Variants in CCDC187 observed in about 807,000 individuals in gnomAD.
The protein encoded by CCDC187 is coiled-coil domain containing 187.
CCDC187 carries 32 observed loss-of-function variants against 38.0 expected under a neutral mutation model. The observed-to-expected ratio is 0.84, with a 90% CI of 0.64 to 1.13. The LOEUF is 1.13. Ranked by LOEUF, CCDC187 falls within the 50% of genes most tolerant of loss-of-function variation. The probability of loss-of-function intolerance (pLI) is 0.00; values close to 1 mark genes in which losing one functional copy is unlikely to be tolerated. For missense variants in CCDC187, 707 were observed against 786.8 expected (o/e 0.90, Z 1.21); for synonymous variants, 333 against 347.9 (o/e 0.96, Z 0.48).
intron 4 of CCDC187, among the ~76,000 whole-genome samples, chr9:136,295,579 A>T (rs1352514154): frequency 6.6e-6 from 1 of 152,242 alleles, no homozygotes; most frequent in African/African-American, 2.4e-5. Context: ...AATATTTTAT[A>T]ACTATTGTGA....
rs1193216426 is a variant in CCDC187 at position 136,292,426 on chromosome 9, A to G, written c.833-131T>C. On this transcript the variant is annotated intron_variant, in intron 4 of 25. Coordinates refer to ENST00000638797, the MANE Select transcript of CCDC187 (RefSeq NM_001378188.1). Reference sequence around the variant, plus strand: ...CACTCCCAGAAGGCACCGGGAGGATATCCCTCATGTCCAGGCCCCTGTTGG... The same window carrying G: ...CACTCCCAGAAGGCACCGGGAGGATGTCCCTCATGTCCAGGCCCCTGTTGG... The G allele has an allele frequency of 7.6e-6, 3 of 396,468 alleles. No homozygotes were observed. The Admixed American group carries it at 1.3e-4, about 17-fold the overall frequency. 24.6% of individuals were successfully genotyped at this position (396,468 alleles called of 1,614,324 possible). A position where few individuals can be genotyped will look rare whatever the true frequency, so the allele number is the denominator to read the frequency against.
chr9:136,267,567 C>T (rs1830768761), intron 15 of CCDC187, 56 bp from the exon 16 acceptor site: 5 of 985,594 alleles, frequency 5.1e-6, no homozygotes, highest in Non-Finnish European at 6.0e-6. Flanking sequence ...GCTTCCGGGC[C>T]TCGCGGGGCT....
intron 14 of CCDC187, among the ~76,000 whole-genome samples, chr9:136,271,694 G>A (rs1355744024): frequency 3.6e-5 from 5 of 137,868 alleles, no homozygotes; most frequent in South Asian, 2.6e-4. Context: ...TGCAAGCTCC[G>A]CCTCCTGGGT....
intron 9 of CCDC187, among the ~76,000 whole-genome samples, chr9:136,284,158 G>A (rs1831115366): frequency 6.6e-6 from 1 of 152,094 alleles, no homozygotes; most frequent in South Asian, 2.1e-4. Context: ...AGGGAAGGCT[G>A]GGCTTCGGGA....
chr9:136,272,295 A>C (rs1337152740), intron 14 of CCDC187, among the ~76,000 whole-genome samples: 1 of 152,272 alleles, frequency 6.6e-6, no homozygotes, highest in Non-Finnish European at 1.5e-5. Context: ...TATATTATTT[A>C]AAACTTTTAA....
At chr9:136,295,638 A>C (rs1831516397) in intron 4 of CCDC187, among the ~76,000 whole-genome samples, 1 of 152,226 alleles carries the variant, frequency 6.6e-6, no homozygotes, top group African/African-American at 2.4e-5. Context: ...CCAATTCCCA[A>C]GTCCTGTGGC....
chr9:136,272,705 GA>G (rs77179967), intron 14 of CCDC187, among the ~76,000 whole-genome samples: 61 of 132,450 alleles, frequency 4.6e-4, no homozygotes, highest in Middle Eastern at 3.7e-3. Flanking sequence ...TCTGTCTCAA[GA>G]AAAAAAAAAA....
intron 4 of CCDC187, among the ~76,000 whole-genome samples, chr9:136,293,968 CCTCACATGCT>C (rs1387177301): frequency 0.15 from 23,210 of 150,524 alleles, 1,968 homozygotes; most frequent in African/African-American, 0.22. Context: ...ATACACATGC[CCTCACATGCT>C]CTCACACACA....
Position 136,253,825 on chromosome 9 carries a change from G to A in CCDC187, c.6003C>T (p.Asp2001=). Residue 2001 remains aspartate (D), a synonymous_variant, in exon 26 of 26, where the codon GAC becomes GAT. Coordinates refer to ENST00000638797, the MANE Select transcript of CCDC187 (RefSeq NM_001378188.1). ...VDELLSYGSA[D]LPSSIHREAP... ...CCTCCCTGTGGATGGAGGACGGGAG[G>A]TCGGCACTGCCGTAGGACAGCAACT... 1.0e-6 allele frequency: 1 copy of A among 985,340 alleles called. No individual in the cohort carries two copies. The highest frequency in any genetic ancestry group is 1.2e-6 in the Non-Finnish European group (1 of 829,892). The allele number at this position is 985,340 out of a possible 1,614,324, so 61.0% of individuals were successfully genotyped here.
chr9:136,268,289 C>G lies in CCDC187; in HGVS notation c.3443-164G>C, dbSNP rs546245917. The G allele has an allele frequency of 1.9e-5, 4 of 208,986 alleles. No homozygotes were observed. In the Admixed American group the frequency reaches 2.6e-4, roughly 14 times the overall value. 12.9% of individuals were successfully genotyped at this position (208,986 alleles called of 1,614,324 possible). ...GCTTCACGCAGAATCCACAAGACCACGCGGGAAGGGACAGGCAGTCTCTTG... is the reference window on the plus strand; with the variant it reads ...GCTTCACGCAGAATCCACAAGACCAGGCGGGAAGGGACAGGCAGTCTCTTG... On this transcript the variant is annotated intron_variant, in intron 14 of 25. Coordinates refer to ENST00000638797, the MANE Select transcript of CCDC187 (RefSeq NM_001378188.1).
chr9:136,293,409 TCA>T (rs1226531913), intron 4 of CCDC187, among the ~76,000 whole-genome samples: 22 of 67,788 alleles, frequency 3.2e-4, no homozygotes, highest in Admixed American at 4.7e-4. Context: ...TCACAAACAC[TCA>T]CATGCTCACA....
Position 136,254,543 on chromosome 9 carries a change from C to T in CCDC187, c.5285G>A (p.Trp1762Ter). 1 of 985,538 alleles carries T rather than the reference C, an allele frequency of 1.0e-6. No individual in the cohort carries two copies. Among genetic ancestry groups the T allele is most frequent in the Non-Finnish European group, 1.2e-6 (1 of 829,994 alleles). 61.0% of individuals were successfully genotyped at this position (985,538 alleles called of 1,614,324 possible). Residue 1762 changes from tryptophan (W) to a stop codon, truncating the protein, a stop_gained, in exon 26 of 26, where the codon TGG (tryptophan) becomes TAG (stop). Coordinates refer to ENST00000638797, the MANE Select transcript of CCDC187 (RefSeq NM_001378188.1). LOFTEE classifies it low-confidence loss of function (END_TRUNC). Reference sequence around the variant, plus strand: ...CAGGTCCTCCTCGCAGTCCTCCTCCCAAACTTTGCTGGAGGCCTCTGACAG... The same window carrying T: ...CAGGTCCTCCTCGCAGTCCTCCTCCTAAACTTTGCTGGAGGCCTCTGACAG... ...SELSEASSKV[W>*]EEDCEEDLPE...
intron 4 of CCDC187, among the ~76,000 whole-genome samples, chr9:136,295,701 A>G (rs1295660692): frequency 2.0e-5 from 3 of 152,194 alleles, no homozygotes; most frequent in Non-Finnish European, 4.4e-5. Flanking sequence ...TGACTTCGTC[A>G]CTGACAGAAA....
intron 12 of CCDC187, among the ~76,000 whole-genome samples, 167 bp downstream of exon 12, chr9:136,276,027 C>T (rs1014317508): frequency 5.9e-5 from 9 of 152,186 alleles, no homozygotes; most frequent in Non-Finnish European, 1.3e-4. Flanking sequence ...CCTGTTTCTG[C>T]ATAGAGACTT....
Position 136,286,304 on chromosome 9 carries a change from C to T in CCDC187, c.2614G>A (p.Ala872Thr), listed in dbSNP as rs1006428123. The T allele has an allele frequency of 7.6e-4, 304 of 398,548 alleles. 1 individual carries two copies. The highest frequency in any genetic ancestry group is 5.6e-3 in the African/African-American group (272 of 48,744). 24.7% of individuals were successfully genotyped at this position (398,548 alleles called of 1,614,324 possible). A position where few individuals can be genotyped will look rare whatever the true frequency, so the allele number is the denominator to read the frequency against. The change falls in exon 8 of 26, where the codon GCC becomes ACC. Residue 872 changes from alanine to threonine, a missense_variant. Ala to Thr is a moderately conservative substitution (Grantham distance 58). Transcript: ENST00000638797. The part of the protein sequence containing the change: ...LRSCPHSLPA[A>T]PTLATPTLAT... ...AGCGTGGGGGTGGCGAGCGTGGGGG[C>T]GGCAGGTAGGCTGTGGGGGCACGAG...
intron 8 of CCDC187, 96 bp downstream of exon 8, chr9:136,285,989 A>G (rs1010269736): frequency 2.5e-6 from 1 of 397,568 alleles, no homozygotes; most frequent in Non-Finnish European, 4.4e-6. Context: ...CCAGAAAGGA[A>G]ACCAAGGCTC....
In CCDC187 at chr9:136,257,907, C is replaced by T. The variant is rs1279258290; in HGVS notation, c.4366+1025G>A. The stretch of plus-strand genomic sequence containing the variant: ...GGCAGACTCAGGGTGAACCCTAGAC[C>T]ACGTGAGAACATAAGTCAGGCCTCA... On this transcript the variant is annotated intron_variant, in intron 22 of 25. Coordinates refer to ENST00000638797, the MANE Select transcript of CCDC187 (RefSeq NM_001378188.1). The surrounding 1 kb of genome is among the most constrained non-coding windows in gnomAD (Gnocchi z 4.5). Among the ~76,000 whole-genome samples, 1 of 152,200 alleles carries T rather than the reference C, an allele frequency of 6.6e-6. No individual in the cohort carries two copies. The highest frequency in any genetic ancestry group is 1.5e-5 in the Non-Finnish European group (1 of 68,028).
intron 10 of CCDC187, among the ~76,000 whole-genome samples, chr9:136,279,913 G>A (rs916585549): frequency 3.9e-5 from 6 of 152,236 alleles, no homozygotes; most frequent in East Asian, 1.9e-4. Context: ...CCACCCCGTC[G>A]TCCTCTCTCC....
At chr9:136,301,653 C>A (rs1831686882) in intron 2 of CCDC187, among the ~76,000 whole-genome samples, 1 of 141,002 alleles carries the variant, frequency 7.1e-6, no homozygotes, top group African/African-American at 2.7e-5. Flanking sequence ...GTGGCGCAAT[C>A]TCGACTCACT....
Sources: gnomAD v4.1 joint callset for allele counts (sites outside exome capture counted in the v4.1 genomes callset) on GRCh38, gnomAD v4.1.1 for gene constraint, Gnocchi (gnomAD v3.1) non-coding constraint, MANE v1.5 for transcripts, NCBI Gene and HGNC (gene_info 2026-07-23, HGNC 2026-07-21) for gene names.